KDM1B: variants seen among roughly 807,000 people sequenced by gnomAD.
KDM1B encodes the protein lysine demethylase 1B.
Under a neutral mutation model 107.4 loss-of-function variants are expected in KDM1B, and 63 were observed. That is an observed-to-expected ratio of 0.59 (90% CI 0.48 to 0.72). KDM1B has a LOEUF of 0.72. Ranked by LOEUF, KDM1B falls within the 30% of genes least tolerant of loss-of-function variation. The pLI, the probability that KDM1B is intolerant of heterozygous loss-of-function variation, is 0.00. For missense variants in KDM1B, 749 were observed against 1,020.8 expected, an observed-to-expected ratio of 0.73 and a Z score of 3.63; for synonymous variants, 363 against 363.9, an observed-to-expected ratio of 1.00 and a Z score of 0.03.
chr6:18,210,566 G>T (rs895916422), intron 17 of KDM1B, among the ~76,000 whole-genome samples: 5 of 151,310 alleles, frequency 3.3e-5, no homozygotes, highest in Non-Finnish European at 7.4e-5. Flanking sequence ...TCCCTATGTT[G>T]TCCAGGCTGG....
At position 18,205,153 on chromosome 6, in the gene KDM1B, G is replaced by A. The variant is rs1452790235; in HGVS notation, c.1532-384G>A. On this transcript the variant is annotated intron_variant, in intron 14 of 21. Coordinates refer to ENST00000650836, the MANE Select transcript of KDM1B (RefSeq NM_001364614.2). The surrounding 1 kb of genome is among the most constrained non-coding windows in gnomAD (Gnocchi z 5.7). Reference sequence around the variant, plus strand: ...GGTGATGGCAGCAGGACCAGAAAGAGAATGGTAACTTCTGTGTGTGTGCAT... The same window carrying A: ...GGTGATGGCAGCAGGACCAGAAAGAAAATGGTAACTTCTGTGTGTGTGCAT... Among the ~76,000 whole-genome samples, 1 of 152,144 alleles carries A rather than the reference G, an allele frequency of 6.6e-6. No homozygotes were observed. Among genetic ancestry groups the A allele is most frequent in the Non-Finnish European group, 1.5e-5 (1 of 68,024 alleles).
In KDM1B at chr6:18,200,491, AATC is replaced by A; in HGVS notation, c.1275_1277del (p.Lys425_Ser426delinsAsn). The A allele has an allele frequency of 6.2e-7, 1 of 1,614,124 alleles. No individual in the cohort carries two copies. The highest frequency in any genetic ancestry group is 8.5e-7 in the Non-Finnish European group (1 of 1,180,000). ...ATTGGAGGCCGAGTCTGGGATGATAAATCTTTTAAAGGCGTCACAGTGGGAAGA... is the reference window on the plus strand; with the variant it reads ...ATTGGAGGCCGAGTCTGGGATGATAATTTTAAAGGCGTCACAGTGGGAAGA... On this transcript the variant is annotated inframe_deletion, in exon 13 of 22. Transcript: ENST00000650836. This position sits in a 1 kb window ranked among gnomAD's most constrained non-coding sequence, Gnocchi z 4.3.
intron 10 of KDM1B, among the ~76,000 whole-genome samples, chr6:18,192,805 G>A (rs1165184011): frequency 6.7e-6 from 1 of 148,854 alleles, no homozygotes; most frequent in Admixed American, 6.7e-5. Flanking sequence ...ATTTCTTTCT[G>A]TTTGACTTTG....
At position 18,191,859 on chromosome 6, in the gene KDM1B, C is replaced by T. The variant is rs745678360; in HGVS notation, c.969+478C>T. Among the ~76,000 whole-genome samples the T allele has an allele frequency of 6.6e-6, 1 of 151,986 alleles. No homozygotes were observed. The highest frequency in any genetic ancestry group is 2.4e-5 in the African/African-American group (1 of 41,390). ...CATCCTAAATCAACCAAGACCAGTA[C>T]ATTTCTTCTGTTGGGTCTAAATACA... On this transcript the variant is annotated intron_variant, in intron 10 of 21. Transcript: ENST00000650836. The surrounding 1 kb of genome is among the most constrained non-coding windows in gnomAD (Gnocchi z 5.1).
chr6:18,196,347 G>A (rs192782382), intron 10 of KDM1B, among the ~76,000 whole-genome samples: 1 of 152,128 alleles, frequency 6.6e-6, no homozygotes, highest in Non-Finnish European at 1.5e-5. Flanking sequence ...CCCTGCAGTG[G>A]GGGTTGCTGG....
intron 7 of KDM1B, among the ~76,000 whole-genome samples, chr6:18,183,258 G>GGTTTTT (rs1413905806): frequency 4.9e-5 from 3 of 61,430 alleles, no homozygotes; most frequent in Admixed American, 1.9e-4. Flanking sequence ...AATTTTGTGG[G>GGTTTTT]TTTTTTTTTT....
rs1351459005 is a variant in KDM1B, at chr6:18,205,015, G to A, written c.1532-522G>A. On this transcript the variant is annotated intron_variant, in intron 14 of 21. Coordinates refer to ENST00000650836, the MANE Select transcript of KDM1B (RefSeq NM_001364614.2). The surrounding 1 kb of genome is among the most constrained non-coding windows in gnomAD (Gnocchi z 5.7). ...AACCAGTAATTGTAGATATGGAGGC[G>A]GAGTGCTGACAAGATACAAGCCCAT... is the stretch of plus-strand genomic sequence containing the variant. Among the ~76,000 whole-genome samples, 10 of 152,164 alleles carry A rather than the reference G, an allele frequency of 6.6e-5. No homozygotes were observed. The highest frequency in any genetic ancestry group is 5.2e-4 in the Admixed American group (8 of 15,274).
chr6:18,209,986 T>A lies in KDM1B; in HGVS notation c.1866+1780T>A, dbSNP rs214588. On this transcript the variant is annotated intron_variant, in intron 17 of 21. Transcript: ENST00000650836. This position sits in a 1 kb window ranked among gnomAD's most constrained non-coding sequence, Gnocchi z 4.3. The stretch of plus-strand genomic sequence containing the variant: ...TGGTGTCCAGGACAGCAAGCTGGTT[T>A]TAACTCCCCTGCTTTGTTACTCTCT... Among the ~76,000 whole-genome samples, 146,450 of 152,284 alleles carry A rather than the reference T, an allele frequency of 0.96. 70,470 individuals carry two copies. Among genetic ancestry groups the A allele is most frequent in the East Asian group, 1 (5,172 of 5,180 alleles).
intron 7 of KDM1B, among the ~76,000 whole-genome samples, chr6:18,176,383 G>A (rs1386900169): frequency 2.0e-5 from 3 of 152,058 alleles, no homozygotes; most frequent in Non-Finnish European, 4.4e-5. Context: ...CGGGGTAAAC[G>A]ATCATATCAT....
At chr6:18,193,495 T>C (rs1382185264) in intron 10 of KDM1B, among the ~76,000 whole-genome samples, 5 of 151,154 alleles carry the variant, frequency 3.3e-5, no homozygotes, top group Non-Finnish European at 7.4e-5. Context: ...AGAGATGAGG[T>C]CTTGCTGTGT....
chr6:18,159,856 T>A lies in KDM1B; in HGVS notation c.-13-27T>A, dbSNP rs1474273010. On this transcript the variant is annotated intron_variant, in intron 2 of 21. Coordinates refer to ENST00000650836, the MANE Select transcript of KDM1B (RefSeq NM_001364614.2). The surrounding 1 kb of genome is among the most constrained non-coding windows in gnomAD (Gnocchi z 4.5). ...TTAAAAATATTTGCAGATGCTAATA[T>A]TTAATGGTCTGATTTTTCTTTTGCA... The A allele has an allele frequency of 2.4e-6, 3 of 1,225,268 alleles. No homozygotes were observed. Among genetic ancestry groups the A allele is most frequent in the Non-Finnish European group, 3.6e-6 (3 of 831,496 alleles). The allele number at this position is 1,225,268 out of a possible 1,614,324, so 75.9% of individuals were successfully genotyped here.
chr6:18,162,137 A>G lies in KDM1B; in HGVS notation c.215+683A>G, dbSNP rs1000811783. Among the ~76,000 whole-genome samples the G allele has an allele frequency of 6.6e-6, 1 of 152,142 alleles. No individual in the cohort carries two copies. Among genetic ancestry groups the G allele is most frequent in the African/African-American group, 2.4e-5 (1 of 41,432 alleles). Reference sequence around the variant, plus strand: ...GGAGTTCCAGACCAGCCTGGCCAACATGGTGAAACCCTGTCTCTACTAAAA... The same window carrying G: ...GGAGTTCCAGACCAGCCTGGCCAACGTGGTGAAACCCTGTCTCTACTAAAA... On this transcript the variant is annotated intron_variant, in intron 4 of 21. Transcript: ENST00000650836. The surrounding 1 kb of genome is among the most constrained non-coding windows in gnomAD (Gnocchi z 4.1).
At position 18,223,423 on chromosome 6, in the gene KDM1B, A is replaced by ATATT. The variant is rs1440361943; in HGVS notation, c.*1434_*1437dup. ...CAAAAGTTAACCCAAGACAACTCTG[A>ATATT]TATTTAGGTTATTTGTTGAGACTCA... On this transcript the variant is annotated 3_prime_UTR_variant, in exon 22 of 22. Coordinates refer to ENST00000650836, the MANE Select transcript of KDM1B (RefSeq NM_001364614.2). 1 of 145,422 alleles carries ATATT rather than the reference A, an allele frequency of 6.9e-6. No individual in the cohort carries two copies. Among genetic ancestry groups the ATATT allele is most frequent in the African/African-American group, 2.5e-5 (1 of 39,492 alleles). The allele number at this position is 145,422 out of a possible 1,614,324, so 9.0% of individuals were successfully genotyped here. A position where few individuals can be genotyped will look rare whatever the true frequency, so the allele number is the denominator to read the frequency against.
In KDM1B at chr6:18,205,509, T is replaced by C. The variant is rs761672558; in HGVS notation, c.1532-28T>C. ...TGGAGAATCTTGTTAAAGCTATTTT[T>C]TTCTGCTTTGATCCATTCCCATTAC... On this transcript the variant is annotated intron_variant, in intron 14 of 21. Transcript: ENST00000650836. The surrounding 1 kb of genome is among the most constrained non-coding windows in gnomAD (Gnocchi z 5.7). The C allele has an allele frequency of 3.2e-6, 5 of 1,540,680 alleles. No homozygotes were observed. In the South Asian group the frequency reaches 6.0e-5, roughly 18 times the overall value.
At position 18,213,813 on chromosome 6, in the gene KDM1B, T is replaced by C. The variant is rs1194702775; in HGVS notation, c.2109+32T>C. 6.2e-7 allele frequency: 1 copy of C among 1,612,742 alleles called. No homozygotes were observed. The highest frequency in any genetic ancestry group is 1.3e-5 in the African/African-American group (1 of 74,882). On this transcript the variant is annotated intron_variant, in intron 19 of 21. Transcript: ENST00000650836. This position sits in a 1 kb window ranked among gnomAD's most constrained non-coding sequence, Gnocchi z 5.9. ...TCATTCGTGAACTGTGGTTTGAATT[T>C]CCGTCTTAAAGTTTAGAATTTGATG...
chr6:18,200,126 G>A lies in KDM1B; in HGVS notation c.1222-313G>A, dbSNP rs572387421. ...TGGCCTCATGTGATCCTCCTGCCTC[G>A]GCCTCCCAAAGTGCTGGTATTACAG... On this transcript the variant is annotated intron_variant, in intron 12 of 21. Coordinates refer to ENST00000650836, the MANE Select transcript of KDM1B (RefSeq NM_001364614.2). This position sits in a 1 kb window ranked among gnomAD's most constrained non-coding sequence, Gnocchi z 4.3. Among the ~76,000 whole-genome samples, 1 of 152,200 alleles carries A rather than the reference G, an allele frequency of 6.6e-6. No homozygotes were observed. Among genetic ancestry groups the A allele is most frequent in the South Asian group, 2.1e-4 (1 of 4,818 alleles).
intron 7 of KDM1B, among the ~76,000 whole-genome samples, chr6:18,175,700 C>T (rs1019895257): frequency 6.6e-6 from 1 of 152,138 alleles, no homozygotes; most frequent in Non-Finnish European, 1.5e-5. Flanking sequence ...AGCCAATTAT[C>T]CCAGCACCAT....
In KDM1B at chr6:18,164,945, C is replaced by A. The variant is rs1256344835; in HGVS notation, c.306-1322C>A. ...ACAGGTGTGAGGCTCCATGCCCGGC[C>A]TAGAGGAGATTTCTCATTTACACTT... On this transcript the variant is annotated intron_variant, in intron 5 of 21. Transcript: ENST00000650836. Among the ~76,000 whole-genome samples, 4 of 152,124 alleles carry A rather than the reference C, an allele frequency of 2.6e-5. No individual in the cohort carries two copies. In the East Asian group the frequency reaches 7.7e-4, roughly 29 times the overall value.
At chr6:18,168,851 A>G (rs1212651217) in intron 6 of KDM1B, among the ~76,000 whole-genome samples, 1 of 152,134 alleles carries the variant, frequency 6.6e-6, no homozygotes, top group Non-Finnish European at 1.5e-5. Flanking sequence ...AATATCTGTT[A>G]ACATCCTTTG....
Sources: gnomAD v4.1 joint callset for allele counts (sites outside exome capture counted in the v4.1 genomes callset) on GRCh38, gnomAD v4.1.1 for gene constraint, Gnocchi (gnomAD v3.1) non-coding constraint, MANE v1.5 for transcripts, NCBI Gene and HGNC (gene_info 2026-07-23, HGNC 2026-07-21) for gene names.